PEAK3: variants seen among roughly 807,000 people sequenced by gnomAD.
The protein encoded by PEAK3 is protein PEAK3.
In PEAK3, 15 loss-of-function variants were observed where a neutral mutation model predicts 13.3. The ratio of observed to expected loss-of-function variants is 1.13; its 90% CI spans 0.75 to 1.73. The LOEUF is 1.73. PEAK3 is among the 40% of genes most tolerant of loss of function. The probability of loss-of-function intolerance (pLI) is 0.00; values close to 1 mark genes in which losing one functional copy is unlikely to be tolerated. For synonymous variants in PEAK3, 347 were observed against 341.9 expected (o/e 1.01, Z -0.17); for missense variants, 739 against 690.2 (o/e 1.07, Z -0.79).
rs2025380184 is a variant in PEAK3 at position 2,275,861 on chromosome 19, C to T, written c.1241G>A (p.Gly414Asp). ...GGGCCCGAGCGCTCGGAGCCAGGGA[C>T]CAAGCGGTGCTCCGCGGCCGCGCAG... ...PELRGRGAPL[G>D]PWLRALGPWL... The change falls in exon 4 of 4, where the codon GGT becomes GAT. Residue 414 changes from glycine to aspartate, a missense_variant. Physicochemically the swap from Gly to Asp is moderately conservative, Grantham distance 94 (BLOSUM62 -1). Transcript: ENST00000342063. The T allele has an allele frequency of 4.1e-6, 6 of 1,474,262 alleles. No individual in the cohort carries two copies. Among genetic ancestry groups the T allele is most frequent in the African/African-American group, 1.5e-5 (1 of 68,174 alleles). The allele number at this position is 1,474,262 out of a possible 1,614,324, so 91.3% of individuals were successfully genotyped here.
chr19:2,282,023 G>A (rs115504014), intron 1 of PEAK3, 64 bp downstream of exon 1: 8,568 of 150,332 alleles, frequency 0.057, 276 homozygotes, highest in Admixed American at 0.093. Flanking sequence ...ACCCACCCCC[G>A]CCCAGATCCC....
rs1443375923 is a variant in PEAK3 at position 2,276,071 on chromosome 19, G to A, written c.1031C>T (p.Ser344Phe). The A allele has an allele frequency of 6.2e-6, 9 of 1,463,194 alleles. No individual in the cohort carries two copies. The highest frequency in any genetic ancestry group is 8.1e-6 in the Non-Finnish European group (9 of 1,107,102). 90.6% of individuals were successfully genotyped at this position (1,463,194 alleles called of 1,614,324 possible). ...CAGCTGCGGCGCGTGGGGGCCCGGG[G>A]ATCCCGGGGGTCCAGGGGGCTGCAG... ...VCLQPPGPPG[S>F]PGPHAPQLGS... The change falls in exon 4 of 4, where the codon TCC becomes TTC. Residue 344 changes from serine to phenylalanine, a missense_variant. Transcript: ENST00000342063.
chr19:2,279,208 C>T, intron 2 of PEAK3, 95 bp from the exon 3 acceptor site: 1 of 1,111,570 alleles, frequency 9.0e-7, no homozygotes, highest in South Asian at 2.5e-5. Context: ...CCATCTCTAA[C>T]ATGGAAGTAA....
chr19:2,278,661 A>G lies in PEAK3; in HGVS notation c.535T>C (p.Cys179Arg), dbSNP rs778976190. Reference protein sequence around the residue: ...HSFRLLDSSPCAESGDALYYR... With the variant: ...HSFRLLDSSPRAESGDALYYR... ...TACAGGGCGTCCCCGCTCTCTGCGC[A>G]GGGTGAGCTGTCTAGGAGGCGGAAG... The change falls in exon 3 of 4, where the codon TGC becomes CGC. Residue 179 changes from cysteine to arginine, a missense_variant. Physicochemically the swap from Cys to Arg is radical, Grantham distance 180. Transcript: ENST00000342063. 1 of 1,513,676 alleles carries G rather than the reference A, an allele frequency of 6.6e-7. No individual in the cohort carries two copies. The highest frequency in any genetic ancestry group is 2.2e-5 in the Admixed American group (1 of 44,612). 93.8% of individuals were successfully genotyped at this position (1,513,676 alleles called of 1,614,324 possible). A position where few individuals can be genotyped will look rare whatever the true frequency, so the allele number is the denominator to read the frequency against.
At position 2,276,430 on chromosome 19, in the gene PEAK3, CAGGG is replaced by C. The variant is rs781208049; in HGVS notation, c.668_671del (p.Ser223CysfsTer65). The stretch of plus-strand genomic sequence containing the variant: ...GCCCCTGCAGATTGAAGTGTGGAGA[CAGGG>C]AGGCCTGCAGCTCCAGGCCCCACGG... On this transcript the variant is annotated frameshift_variant, in exon 4 of 4. Transcript: ENST00000342063. LOFTEE classifies it low-confidence loss of function (END_TRUNC). 3.6e-5 allele frequency: 57 copies of C among 1,589,830 alleles called. No homozygotes were observed. Among genetic ancestry groups the C allele is most frequent in the Non-Finnish European group, 3.6e-5 (42 of 1,172,310 alleles).
rs555760973 is a variant in PEAK3, at chr19:2,278,070, A to G, written c.612+514T>C. ...AGTAGAAACAGGGTTTCACCGTGTT[A>G]GCCAGGATGGTCTGTATCTCCTGAC... On this transcript the variant is annotated intron_variant, in intron 3 of 3. Coordinates refer to ENST00000342063, the MANE Select transcript of PEAK3 (RefSeq NM_198532.3). 7.0e-4 allele frequency among the ~76,000 whole-genome samples: 102 copies of G among 146,116 alleles called. 2 individuals are homozygous for G. The South Asian group carries it at 0.021, about 30-fold the overall frequency.
intron 3 of PEAK3, 91 bp from the exon 4 acceptor site, chr19:2,276,580 G>A (rs952109552): frequency 7.8e-6 from 9 of 1,150,488 alleles, no homozygotes; most frequent in African/African-American, 1.6e-5. Flanking sequence ...AGCCTCCCAC[G>A]CACACCCCCA....
chr19:2,277,373 C>T (rs900499710), intron 3 of PEAK3, among the ~76,000 whole-genome samples: 4 of 151,864 alleles, frequency 2.6e-5, no homozygotes, highest in African/African-American at 9.7e-5. Flanking sequence ...GCACCTCCTC[C>T]CTCCCTTCCT....
At chr19:2,278,020 C>T (rs1379093676) in intron 3 of PEAK3, among the ~76,000 whole-genome samples, 8 of 152,012 alleles carry the variant, frequency 5.3e-5, no homozygotes, top group East Asian at 1.9e-4. Flanking sequence ...CCCACCACCA[C>T]GCCCGGCTAA....
chr19:2,279,256 G>T, intron 2 of PEAK3, 143 bp from the exon 3 acceptor site: 1 of 661,226 alleles, frequency 1.5e-6, no homozygotes, highest in Non-Finnish European at 2.2e-6. Flanking sequence ...TGTAATCCCA[G>T]CACTTAGGAA....
intron 1 of PEAK3, 58 bp from the exon 2 acceptor site, chr19:2,280,993 A>C: frequency 8.6e-7 from 1 of 1,162,542 alleles, no homozygotes; most frequent in South Asian, 1.5e-5. Flanking sequence ...ACAGGGCGAC[A>C]TGGGGAGGGG....
chr19:2,280,757 T>TCCTGCCGATCCCTGCACCCA lies in PEAK3; in HGVS notation c.82+92_82+93insTGGGTGCAGGGATCGGCAGG, dbSNP rs1568409240. On this transcript the variant is annotated intron_variant, in intron 2 of 3. Coordinates refer to ENST00000342063, the MANE Select transcript of PEAK3 (RefSeq NM_198532.3). ...CCAGAGGCCATGGTGCCCGGCAACC[T>TCCTGCCGATCCCTGCACCCA]CCTGCCGCTCCCTGCACCCACCTGC... is the stretch of plus-strand genomic sequence containing the variant. The TCCTGCCGATCCCTGCACCCA allele has an allele frequency of 2.9e-6, 3 of 1,041,210 alleles. No individual in the cohort carries two copies. In the South Asian group the frequency reaches 4.4e-5, roughly 15 times the overall value. 64.5% of individuals were successfully genotyped at this position (1,041,210 alleles called of 1,614,324 possible).
intron 2 of PEAK3, among the ~76,000 whole-genome samples, chr19:2,279,587 T>G (rs1416417899): frequency 6.6e-6 from 1 of 151,632 alleles, no homozygotes; most frequent in Non-Finnish European, 1.5e-5. Flanking sequence ...ACTTGAGAAG[T>G]GGAGCTTGCA....
intron 3 of PEAK3, among the ~76,000 whole-genome samples, 192 bp downstream of exon 3, chr19:2,278,392 C>A (rs34658798): frequency 1.6e-5 from 2 of 128,086 alleles, no homozygotes; most frequent in Admixed American, 1.6e-4. Flanking sequence ...AACTCCTGAC[C>A]TCAGCTGATC....
rs2025416640 is a variant in PEAK3 at position 2,278,884 on chromosome 19, TC to T, written c.311del (p.Gly104AspfsTer9). On this transcript the variant is annotated frameshift_variant, in exon 3 of 4. Transcript: ENST00000342063. LOFTEE classifies it high-confidence loss of function. ...TCAGCTCTGCAGGGAGACAGGCTGGTCCCACTGCAGCCTGGCTCTTGTCCAC... is the reference window on the plus strand; with the variant it reads ...TCAGCTCTGCAGGGAGACAGGCTGGTCCACTGCAGCCTGGCTCTTGTCCAC... The part of the protein sequence containing the change: ...HSVDKSQAAV[G>X]PACLPAELTF... The T allele has an allele frequency of 6.3e-7, 1 of 1,595,564 alleles. No homozygotes were observed. Among genetic ancestry groups the T allele is most frequent in the Non-Finnish European group, 8.5e-7 (1 of 1,171,948 alleles).
At chr19:2,277,406 C>A (rs4807220) in intron 3 of PEAK3, among the ~76,000 whole-genome samples, 19,174 of 151,940 alleles carry the variant, frequency 0.13, 2,064 homozygotes, top group East Asian at 0.28. Context: ...GTGTGAGATG[C>A]CTGCTCCCGC....
chr19:2,278,271 T>A (rs1274233820), intron 3 of PEAK3, among the ~76,000 whole-genome samples: 3 of 151,736 alleles, frequency 2.0e-5, no homozygotes, highest in Admixed American at 2.0e-4. Flanking sequence ...TTCAAGCAAT[T>A]CTCCTGCCTC....
chr19:2,275,832 G>GC lies in PEAK3; in HGVS notation c.1269dup (p.Leu424AlafsTer77). 6.6e-7 allele frequency: 1 copy of GC among 1,510,088 alleles called. No homozygotes were observed. The highest frequency in any genetic ancestry group is 8.8e-7 in the Non-Finnish European group (1 of 1,135,266). 93.5% of individuals were successfully genotyped at this position (1,510,088 alleles called of 1,614,324 possible). A position where few individuals can be genotyped will look rare whatever the true frequency, so the allele number is the denominator to read the frequency against. ...ACCAGCAGCCCGCGGCGCACCCGCA[G>GC]CCAGGGCCCGAGCGCTCGGAGCCAG... is the stretch of plus-strand genomic sequence containing the variant. On this transcript the variant is annotated frameshift_variant, in exon 4 of 4. Coordinates refer to ENST00000342063, the MANE Select transcript of PEAK3 (RefSeq NM_198532.3). LOFTEE classifies it low-confidence loss of function (END_TRUNC).
In PEAK3 at chr19:2,278,849, G is replaced by A. The variant is rs751829493; in HGVS notation, c.347C>T (p.Pro116Leu). 23 of 1,597,308 alleles carry A rather than the reference G, an allele frequency of 1.4e-5. No homozygotes were observed. The highest frequency in any genetic ancestry group is 1.6e-4 in the Middle Eastern group (1 of 6,062). ...GGAGAGGCCCAGTGGGGCGTCAGCC[G>A]GGCCAAAGGTCAGCTCTGCAGGGAG... Reference protein sequence around the residue: ...ACLPAELTFGPADAPLGLSLR... With the variant: ...ACLPAELTFGLADAPLGLSLR... The change falls in exon 3 of 4, where the codon CCG becomes CTG. Residue 116 changes from proline (P) to leucine (L), a missense_variant. Transcript: ENST00000342063.
Sources: allele counts gnomAD v4.1 joint callset (sites outside exome capture counted in the v4.1 genomes callset), GRCh38; gene constraint gnomAD v4.1.1; transcripts MANE v1.5; gene names NCBI Gene and HGNC (gene_info 2026-07-23, HGNC 2026-07-21).